SVOP: variants seen among roughly 807,000 people sequenced by gnomAD.
The protein encoded by SVOP is SV2 related protein.
Under a neutral mutation model 69.1 loss-of-function variants are expected in SVOP, and 17 were observed. The ratio of observed to expected loss-of-function variants is 0.25; its 90% CI spans 0.17 to 0.37. SVOP has a LOEUF of 0.37. SVOP is among the 10% of genes least tolerant of loss of function. The probability of loss-of-function intolerance (pLI) is 1.00; values close to 1 mark genes in which losing one functional copy is unlikely to be tolerated. For missense variants in SVOP, 435 were observed against 597.5 expected (o/e 0.73, Z 2.84); for synonymous variants, 238 against 238.6 (o/e 1.00, Z 0.02).
intron 10 of SVOP, chr12:108,936,822 C>CA (rs34643583): frequency 0.45 from 78,151 of 173,962 alleles, 18,925 homozygotes; most frequent in African/African-American, 0.62. Context: ...CTCTGCAAAC[C>CA]TCCGTCTAGT....
At chr12:108,983,890 A>T in intron 1 of SVOP, 129 bp from the exon 2 acceptor site, 1 of 397,656 alleles carries the variant, frequency 2.5e-6, no homozygotes, top group Non-Finnish European at 4.4e-6. Context: ...GATGGGGGTT[A>T]GCATTTCTAT....
At chr12:108,991,438 TTTGC>T (rs2040199860) in intron 1 of SVOP, among the ~76,000 whole-genome samples, 1 of 4,920 alleles carries the variant, frequency 2.0e-4, no homozygotes, top group Non-Finnish European at 1.6e-3. Flanking sequence ...CATCTCGGGT[TTTGC>T]TTGTTTGTTT....
At chr12:108,957,307 G>T (rs1391205693) in intron 6 of SVOP, among the ~76,000 whole-genome samples, 1 of 152,112 alleles carries the variant, frequency 6.6e-6, no homozygotes, top group Non-Finnish European at 1.5e-5. Flanking sequence ...GGGATTACAG[G>T]TGTGTGTCAC....
chr12:108,922,616 C>T (rs2039756118), intron 12 of SVOP, 74 bp downstream of exon 12: 6 of 1,141,846 alleles, frequency 5.3e-6, no homozygotes, highest in South Asian at 1.3e-5. Context: ...GTAGGGTAGA[C>T]AGAGCCACCA....
In SVOP at chr12:108,928,815, G is replaced by A. The variant is rs185792954; in HGVS notation, c.1048+5380C>T. Among the ~76,000 whole-genome samples, 767 of 152,006 alleles carry A rather than the reference G, an allele frequency of 5.0e-3. 5 individuals carry two copies. The highest frequency in any genetic ancestry group is 5.6e-3 in the Non-Finnish European group (378 of 67,952). The stretch of plus-strand genomic sequence containing the variant: ...ACTCCTGAGTTCAAGCAATCTGCCC[G>A]CGTCAGCCTCTCAGAGTGCTGGGAT... On this transcript the variant is annotated intron_variant, in intron 11 of 15. Coordinates refer to ENST00000610966, the MANE Select transcript of SVOP (RefSeq NM_018711.5).
At chr12:108,974,923 ATAAT>A (rs893371926) in intron 4 of SVOP, among the ~76,000 whole-genome samples, 114 of 152,310 alleles carry the variant, frequency 7.5e-4, no homozygotes, top group East Asian at 1.2e-3. Context: ...AAGTGATATG[ATAAT>A]TTTATTTTGA....
intron 14 of SVOP, 143 bp downstream of exon 14, chr12:108,917,900 C>T: frequency 1.8e-6 from 1 of 564,506 alleles, no homozygotes; most frequent in Non-Finnish European, 3.0e-6. Flanking sequence ...CCTGCCTCGG[C>T]CTCCCAAAGT....
chr12:108,988,363 G>C (rs1007819046), intron 1 of SVOP, among the ~76,000 whole-genome samples: 1 of 152,036 alleles, frequency 6.6e-6, no homozygotes, highest in African/African-American at 2.4e-5. Context: ...AACTTTTATG[G>C]GTTTAGGTCT....
At chr12:108,941,452 C>A (rs1404544771) in intron 7 of SVOP, among the ~76,000 whole-genome samples, 1 of 152,152 alleles carries the variant, frequency 6.6e-6, no homozygotes, top group African/African-American at 2.4e-5. Context: ...CTGGGCTCCT[C>A]GGCCTCCCAA....
chr12:108,991,736 G>A (rs991805648), intron 1 of SVOP, among the ~76,000 whole-genome samples: 3 of 151,156 alleles, frequency 2.0e-5, no homozygotes, highest in East Asian at 2.0e-4. Context: ...GATTACAGGC[G>A]TGAGCCATCA....
At chr12:108,997,257 T>C (rs2040239590) in intron 1 of SVOP, among the ~76,000 whole-genome samples, 1 of 152,152 alleles carries the variant, frequency 6.6e-6, no homozygotes, top group African/African-American at 2.4e-5. Context: ...TCAGACCGGC[T>C]TAAAAAACGG....
chr12:109,018,648 T>C lies in SVOP; in HGVS notation c.35+2186A>G, dbSNP rs557973637. Reference sequence around the variant, plus strand: ...TAACCCACTCAGATTCATGTGGCCATTCCTTTTAGCTTACTCTTTTTTTAG... The same window carrying C: ...TAACCCACTCAGATTCATGTGGCCACTCCTTTTAGCTTACTCTTTTTTTAG... On this transcript the variant is annotated intron_variant, in intron 1 of 15. Coordinates refer to ENST00000610966, the MANE Select transcript of SVOP (RefSeq NM_018711.5). 1.4e-4 allele frequency among the ~76,000 whole-genome samples: 21 copies of C among 152,326 alleles called. No individual in the cohort carries two copies. In the East Asian group the frequency reaches 3.9e-3, roughly 28 times the overall value.
chr12:108,983,595 T>C lies in SVOP; in HGVS notation c.196+6A>G. ...GGCTGATTCCCCAACTGCAGGGCCC[T>C]CTCACCATCAGTGGGATTGGCAAAC... is the stretch of plus-strand genomic sequence containing the variant. On this transcript the variant is annotated splice_donor_region_variant and intron_variant, in intron 2 of 15. Transcript: ENST00000610966. The C allele has an allele frequency of 2.5e-6, 1 of 398,800 alleles. No homozygotes were observed. The highest frequency in any genetic ancestry group is 4.4e-5 in the Admixed American group (1 of 22,728). The allele number at this position is 398,800 out of a possible 1,614,324, so 24.7% of individuals were successfully genotyped here.
intron 12 of SVOP, among the ~76,000 whole-genome samples, chr12:108,921,617 C>G (rs1018957870): frequency 3.3e-5 from 5 of 152,144 alleles, no homozygotes; most frequent in Admixed American, 3.3e-4. Context: ...GGGTATTTGT[C>G]CACCAAATCC....
At chr12:108,979,318 C>T (rs1214369997) in intron 2 of SVOP, among the ~76,000 whole-genome samples, 1 of 152,202 alleles carries the variant, frequency 6.6e-6, no homozygotes, top group Non-Finnish European at 1.5e-5. Flanking sequence ...TAGCTCAATG[C>T]AGCCTCTATC....
intron 1 of SVOP, among the ~76,000 whole-genome samples, chr12:108,991,007 C>T (rs1467791674): frequency 1.3e-5 from 2 of 152,222 alleles, no homozygotes. Context: ...CCCCTGCCCT[C>T]AACCCCATCG....
intron 3 of SVOP, among the ~76,000 whole-genome samples, chr12:108,977,791 G>A (rs1480203579): frequency 3.7e-5 from 3 of 81,484 alleles, no homozygotes; most frequent in African/African-American, 1.1e-4. Flanking sequence ...TCTAAAATCT[G>A]AGAAAAAAAC....
intron 5 of SVOP, among the ~76,000 whole-genome samples, chr12:108,964,602 A>C (rs2040034752): frequency 6.6e-6 from 1 of 152,258 alleles, no homozygotes; most frequent in Admixed American, 6.5e-5. Context: ...CAGCTGCCCC[A>C]AAATGAGGGC....
At chr12:108,991,999 G>GGAT (rs1476991815) in intron 1 of SVOP, among the ~76,000 whole-genome samples, 1 of 152,044 alleles carries the variant, frequency 6.6e-6, no homozygotes, top group African/African-American at 2.4e-5. Context: ...AACTTCTCAG[G>GGAT]GATGCTGATA....
Sources: allele counts gnomAD v4.1 joint callset (sites outside exome capture counted in the v4.1 genomes callset), GRCh38; gene constraint gnomAD v4.1.1; transcripts MANE v1.5; gene names NCBI Gene and HGNC (gene_info 2026-07-23, HGNC 2026-07-21).